PIK3CA: variants seen among roughly 807,000 people sequenced by gnomAD.
PIK3CA encodes phosphatidylinositol 4,5-bisphosphate 3-kinase catalytic subunit alpha isoform.
PIK3CA carries 27 observed loss-of-function variants against 138.2 expected under a neutral mutation model. The ratio of observed to expected loss-of-function variants is 0.20; its 90% CI spans 0.14 to 0.27. The LOEUF (loss-of-function observed/expected upper bound fraction) is 0.27. Ranked by LOEUF, PIK3CA falls within the 10% of genes least tolerant of loss-of-function variation. The pLI, the probability that PIK3CA is intolerant of heterozygous loss-of-function variation, is 1.00. For synonymous variants in PIK3CA, 358 were observed against 413.2 expected (o/e 0.87, Z 1.62); for missense variants, 544 against 1,277.4 (o/e 0.43, Z 8.75).
At chr3:179,205,415 T>G (rs891521176) in intron 6 of PIK3CA, among the ~76,000 whole-genome samples, 14 of 152,190 alleles carry the variant, frequency 9.2e-5, no homozygotes, top group Admixed American at 3.9e-4. Context: ...GTTATAATTT[T>G]ATGCTAATCA....
At chr3:179,183,596 A>T (rs1323946106) in intron 1 of PIK3CA, among the ~76,000 whole-genome samples, 1 of 152,232 alleles carries the variant, frequency 6.6e-6, no homozygotes, top group Non-Finnish European at 1.5e-5. Flanking sequence ...TCAGTGCACT[A>T]TACATTCTGT....
chr3:179,207,554 T>C (rs1460697223), intron 6 of PIK3CA, among the ~76,000 whole-genome samples: 1 of 151,492 alleles, frequency 6.6e-6, no homozygotes, highest in Non-Finnish European at 1.5e-5. Flanking sequence ...CTTTTCTTTT[T>C]TTTTTTTTTG....
At position 179,237,148 on chromosome 3, in the gene PIK3CA, T is replaced by C. The variant is rs551119443; in HGVS notation, c.*2784T>C. Reference sequence around the variant, plus strand: ...ATTCTCAGCTATACAAAACCATTTATTTTGAAGATTTTTAGACTACTGTTA... The same window carrying C: ...ATTCTCAGCTATACAAAACCATTTACTTTGAAGATTTTTAGACTACTGTTA... On this transcript the variant is annotated 3_prime_UTR_variant, in exon 21 of 21. Transcript: ENST00000263967. The C allele has an allele frequency of 8.8e-4, 173 of 195,516 alleles. No individual in the cohort carries two copies. Among genetic ancestry groups the C allele is most frequent in the Non-Finnish European group, 1.3e-3 (125 of 94,050 alleles). The allele number at this position is 195,516 out of a possible 1,614,324, so 12.1% of individuals were successfully genotyped here.
At chr3:179,232,680 G>C (rs932879936) in intron 20 of PIK3CA, among the ~76,000 whole-genome samples, 1 of 151,834 alleles carries the variant, frequency 6.6e-6, no homozygotes, top group East Asian at 1.9e-4. Context: ...TCCTTGAAAA[G>C]ATCTTTCACC....
Position 179,210,535 on chromosome 3 carries a change from A to G in PIK3CA, c.1509A>G (p.Glu503=). 6.2e-7 allele frequency: 1 copy of G among 1,614,060 alleles called. No individual in the cohort carries two copies. Among genetic ancestry groups the G allele is most frequent in the East Asian group, 2.2e-5 (1 of 44,856 alleles). The part of the protein sequence containing the change: ...EEHANWSVSR[E]AGFSYSHAGL... ...ATGCCAATTGGTCTGTATCCCGAGA[A>G]GCAGGATTTAGCTATTCCCACGCAG... Residue 503 remains glutamate (E), a synonymous_variant, in exon 9 of 21, where the codon GAA becomes GAG. Coordinates refer to ENST00000263967, the MANE Select transcript of PIK3CA (RefSeq NM_006218.4).
intron 1 of PIK3CA, among the ~76,000 whole-genome samples, chr3:179,190,597 T>C (rs1030644959): frequency 1.3e-5 from 2 of 152,184 alleles, no homozygotes; most frequent in African/African-American, 4.8e-5. Context: ...CAAATCAGAC[T>C]AAAGATTCAT....
intron 2 of PIK3CA, 119 bp from the exon 3 acceptor site, chr3:179,199,571 G>A (rs765287771): frequency 9.1e-6 from 6 of 656,504 alleles, no homozygotes; most frequent in Non-Finnish European, 1.5e-5. Flanking sequence ...TTAACCTAGC[G>A]GTACTTTTTT....
intron 1 of PIK3CA, among the ~76,000 whole-genome samples, chr3:179,185,864 T>C (rs965883033): frequency 1.3e-5 from 2 of 152,244 alleles, no homozygotes; most frequent in Non-Finnish European, 2.9e-5. Context: ...CCTCCACTTG[T>C]TCAGCTATCC....
At chr3:179,166,345 G>A (rs1046963417) in intron 1 of PIK3CA, among the ~76,000 whole-genome samples, 5 of 151,978 alleles carry the variant, frequency 3.3e-5, no homozygotes, top group African/African-American at 1.2e-4. Flanking sequence ...TTACCCACAC[G>A]GCTCACATGT....
Position 179,220,731 on chromosome 3 carries a change from T to G in PIK3CA, c.2016-255T>G, listed in dbSNP as rs1486927591. On this transcript the variant is annotated intron_variant, in intron 13 of 20. Coordinates refer to ENST00000263967, the MANE Select transcript of PIK3CA (RefSeq NM_006218.4). This position sits in a 1 kb window ranked among gnomAD's most constrained non-coding sequence, Gnocchi z 4.1. ...CCTTTTTTCATGTTTTTATATCTTG[T>G]ACTGAGATTAGTCAATGAAAACTAG... is the stretch of plus-strand genomic sequence containing the variant. Among the ~76,000 whole-genome samples the G allele has an allele frequency of 6.6e-6, 1 of 152,184 alleles. No individual in the cohort carries two copies. Among genetic ancestry groups the G allele is most frequent in the Admixed American group, 6.6e-5 (1 of 15,266 alleles).
At position 179,230,615 on chromosome 3, in the gene PIK3CA, C is replaced by T. The variant is rs183589643; in HGVS notation, c.2936+239C>T. ...CAAAAAAATTTAAAAAGTAGCCAGG[C>T]GTGGTGGCATGCACTGTAGTCCCAG... On this transcript the variant is annotated intron_variant, in intron 20 of 20. Transcript: ENST00000263967. The surrounding 1 kb of genome is among the most constrained non-coding windows in gnomAD (Gnocchi z 5.4). Among the ~76,000 whole-genome samples, 3 of 151,808 alleles carry T rather than the reference C, an allele frequency of 2.0e-5. No homozygotes were observed. Among genetic ancestry groups the T allele is most frequent in the Admixed American group, 1.3e-4 (2 of 15,208 alleles).
At chr3:179,161,647 A>G (rs1210549457) in intron 1 of PIK3CA, among the ~76,000 whole-genome samples, 1 of 152,236 alleles carries the variant, frequency 6.6e-6, no homozygotes, top group Non-Finnish European at 1.5e-5. Context: ...CGGTGAGCTG[A>G]GATCACGCCA....
In PIK3CA at chr3:179,148,519, C is replaced by T. The variant is rs202171889; in HGVS notation, c.-161C>T. 5.3e-5 allele frequency: 8 copies of T among 151,774 alleles called. No individual in the cohort carries two copies. The highest frequency in any genetic ancestry group is 8.8e-5 in the Non-Finnish European group (6 of 68,040). 9.4% of individuals were successfully genotyped at this position (151,774 alleles called of 1,614,324 possible). On this transcript the variant is annotated 5_prime_UTR_variant, in exon 1 of 21. Coordinates refer to ENST00000263967, the MANE Select transcript of PIK3CA (RefSeq NM_006218.4). The stretch of plus-strand genomic sequence containing the variant: ...GGAGGCGGGGGCCGTGCCGCCCGCT[C>T]TCCTCTCCCTCGGCGCCGCCGCCGC...
Position 179,201,303 on chromosome 3 carries a change from G to C in PIK3CA, c.576G>C (p.Val192=), listed in dbSNP as rs202158911. 1 of 1,612,298 alleles carries C rather than the reference G, an allele frequency of 6.2e-7. No individual in the cohort carries two copies. ...TTCCTGTTATAGGGCAAATAATAGT[G>C]GTGATCTGGGTAATAGTTTCTCCAA... ...YNKLDKGQII[V]VIWVIVSPNN... The change falls in exon 4 of 21, where the codon GTG becomes GTC. Residue 192 remains valine (V), a synonymous_variant. Coordinates refer to ENST00000263967, the MANE Select transcript of PIK3CA (RefSeq NM_006218.4).
intron 17 of PIK3CA, among the ~76,000 whole-genome samples, chr3:179,226,798 A>G (rs1349180890): frequency 2.0e-5 from 3 of 152,172 alleles, no homozygotes; most frequent in Non-Finnish European, 4.4e-5. Flanking sequence ...TTTTATTGCA[A>G]AGAAGAAAGT....
chr3:179,210,097 G>A (rs2108399860), intron 7 of PIK3CA, 89 bp from the exon 8 acceptor site: 1 of 982,744 alleles, frequency 1.0e-6, no homozygotes, highest in Non-Finnish European at 1.5e-6. Context: ...TTATAGAGAT[G>A]ATTGTTGAAT....
At chr3:179,152,992 C>T (rs1052531720) in intron 1 of PIK3CA, among the ~76,000 whole-genome samples, 1 of 151,984 alleles carries the variant, frequency 6.6e-6, no homozygotes, top group African/African-American at 2.4e-5. Flanking sequence ...TAAAATCAGA[C>T]TTCATCATTC....
At position 179,234,353 on chromosome 3, in the gene PIK3CA, G is replaced by A. The variant is rs2108430130; in HGVS notation, c.3196G>A (p.Ala1066Thr). 6.2e-7 allele frequency: 1 copy of A among 1,606,270 alleles called. No individual in the cohort carries two copies. The highest frequency in any genetic ancestry group is 8.5e-7 in the Non-Finnish European group (1 of 1,174,446). ...DWIFHTIKQH[A>T]LN ...GATCTTCCACACAATTAAACAGCAT[G>A]CATTGAACTGAAAAGATAACTGAGA... is the stretch of plus-strand genomic sequence containing the variant. Residue 1066 changes from alanine to threonine, a missense_variant, in exon 21 of 21, where the codon GCA becomes ACA. Physicochemically the swap from Ala to Thr is moderately conservative, Grantham distance 58. Coordinates refer to ENST00000263967, the MANE Select transcript of PIK3CA (RefSeq NM_006218.4). This position sits in a 1 kb window ranked among gnomAD's most constrained non-coding sequence, Gnocchi z 5.1.
chr3:179,224,228 C>A (rs2108417134), intron 15 of PIK3CA, 41 bp downstream of exon 15: 2 of 945,362 alleles, frequency 2.1e-6, no homozygotes, highest in Non-Finnish European at 1.6e-6. Flanking sequence ...TAAATAAATA[C>A]CTTTTCTGGA....
Sources: allele counts gnomAD v4.1 joint callset (sites outside exome capture counted in the v4.1 genomes callset), GRCh38; gene constraint gnomAD v4.1.1; non-coding constraint Gnocchi (gnomAD v3.1); transcripts MANE v1.5; gene names NCBI Gene and HGNC (gene_info 2026-07-23, HGNC 2026-07-21).